The following NR1I2 variants were observed in gnomAD, a reference collection of about 807,000 sequenced individuals.
NR1I2 encodes orphan nuclear receptor PAR1.
Under a neutral mutation model 43.3 loss-of-function variants are expected in NR1I2, and 42 were observed. The ratio of observed to expected loss-of-function variants is 0.97; its 90% CI spans 0.76 to 1.26. The LOEUF (loss-of-function observed/expected upper bound fraction) is 1.26, where lower values mean the gene tolerates loss of function less well. NR1I2 is among the 50% of genes most tolerant of loss of function. The pLI, the probability that NR1I2 is intolerant of heterozygous loss-of-function variation, is 0.00. For synonymous variants in NR1I2, 229 were observed against 215.0 expected (o/e 1.06, Z -0.57); for missense variants, 559 against 566.7 (o/e 0.99, Z 0.14).
intron 1 of NR1I2, among the ~76,000 whole-genome samples, chr3:119,786,519 A>T (rs1684328411): frequency 6.6e-6 from 1 of 152,240 alleles, no homozygotes; most frequent in African/African-American, 2.4e-5. Flanking sequence ...AGTTCCAAAG[A>T]GTCAAACTAT....
chr3:119,785,451 A>G (rs1278082318), intron 1 of NR1I2, among the ~76,000 whole-genome samples: 1 of 152,214 alleles, frequency 6.6e-6, no homozygotes, highest in African/African-American at 2.4e-5. Context: ...GCCTGTTGTT[A>G]AGAATTTCAA....
intron 1 of NR1I2, among the ~76,000 whole-genome samples, chr3:119,790,741 T>A (rs1350006337): frequency 6.6e-6 from 1 of 152,234 alleles, no homozygotes; most frequent in Non-Finnish European, 1.5e-5. Flanking sequence ...AATAAATAAT[T>A]TATTCTGTGT....
At chr3:119,814,572 C>G (rs1255020967) in intron 5 of NR1I2, among the ~76,000 whole-genome samples, 1 of 152,166 alleles carries the variant, frequency 6.6e-6, no homozygotes, top group Non-Finnish European at 1.5e-5. Flanking sequence ...ATAGCATGGC[C>G]TGAGGGGCTA....
At chr3:119,788,119 A>G (rs1427736914) in intron 1 of NR1I2, among the ~76,000 whole-genome samples, 1 of 151,944 alleles carries the variant, frequency 6.6e-6, no homozygotes, top group Non-Finnish European at 1.5e-5. Context: ...AATTATTATT[A>G]TTATTACTTT....
rs56147004 is a variant in NR1I2 at position 119,817,728 on chromosome 3, G to A, written c.*516G>A. ...TGTGGGCTCCAGGCCTGTACTCATC[G>A]GCAGGCGCATGAGTATCTGTGGGAG... is the stretch of plus-strand genomic sequence containing the variant. On this transcript the variant is annotated 3_prime_UTR_variant, in exon 9 of 9. Coordinates refer to ENST00000393716, the MANE Select transcript of NR1I2 (RefSeq NM_003889.4). 17 of 1,045,830 alleles carry A rather than the reference G, an allele frequency of 1.6e-5. No individual in the cohort carries two copies. The highest frequency in any genetic ancestry group is 3.5e-5 in the South Asian group (1 of 28,394). The allele number at this position is 1,045,830 out of a possible 1,614,324, so 64.8% of individuals were successfully genotyped here. A position where few individuals can be genotyped will look rare whatever the true frequency, so the allele number is the denominator to read the frequency against.
chr3:119,784,378 A>ATATCC (rs1467808144), intron 1 of NR1I2, among the ~76,000 whole-genome samples: 1 of 152,134 alleles, frequency 6.6e-6, no homozygotes, highest in African/African-American at 2.4e-5. Flanking sequence ...TTACCTATTC[A>ATATCC]TATCCTTAGC....
intron 1 of NR1I2, chr3:119,782,626 C>T: frequency 1.5e-6 from 1 of 688,688 alleles, no homozygotes; most frequent in Non-Finnish European, 2.6e-6. Flanking sequence ...GGCTGGAGTC[C>T]CTGGACCCAG....
chr3:119,783,324 G>A (rs2107940690), intron 1 of NR1I2, among the ~76,000 whole-genome samples: 1 of 152,192 alleles, frequency 6.6e-6, no homozygotes, highest in African/African-American at 2.4e-5. Context: ...ACACAGCCAT[G>A]CCCATTCGTT....
chr3:119,784,357 C>T (rs1216513688), intron 1 of NR1I2, among the ~76,000 whole-genome samples: 1 of 152,110 alleles, frequency 6.6e-6, no homozygotes, highest in Non-Finnish European at 1.5e-5. Flanking sequence ...CATTGTATTT[C>T]TCTTCTTAAA....
In NR1I2 at chr3:119,815,069, G is replaced by C. The variant is rs756006781; in HGVS notation, c.885G>C (p.Glu295Asp). The stretch of plus-strand genomic sequence containing the variant: ...GATTCAACACAGTGTTCAACGCGGA[G>C]ACTGGAACCTGGGAGTGTGGCCGGC... The change falls in exon 6 of 9, where the codon GAG (glutamate) becomes GAC (aspartate). Residue 295 changes from glutamate to aspartate, a missense_variant. By Grantham distance (45) the Glu-to-Asp change is conservative. Transcript: ENST00000393716. 1.9e-6 allele frequency: 3 copies of C among 1,614,190 alleles called. No homozygotes were observed. The highest frequency in any genetic ancestry group is 1.7e-5 in the Admixed American group (1 of 60,002).
intron 1 of NR1I2, among the ~76,000 whole-genome samples, chr3:119,802,121 G>C (rs1202900774): frequency 6.6e-6 from 1 of 152,146 alleles, no homozygotes; most frequent in Non-Finnish European, 1.5e-5. Flanking sequence ...TGAATCTTTC[G>C]GGGCATGGCT....
chr3:119,787,138 A>G (rs1282288726), intron 1 of NR1I2, among the ~76,000 whole-genome samples: 4 of 152,076 alleles, frequency 2.6e-5, no homozygotes, highest in African/African-American at 9.7e-5. Context: ...AAATACAAAA[A>G]TAATCCAGGT....
intron 3 of NR1I2, 31 bp from the exon 4 acceptor site, chr3:119,811,508 T>A: frequency 6.3e-7 from 1 of 1,587,854 alleles, no homozygotes; most frequent in Non-Finnish European, 8.6e-7. Flanking sequence ...CAGGGGCACG[T>A]GTGCCTGAGC....
chr3:119,813,066 A>G (rs1439068474), intron 5 of NR1I2, 106 bp downstream of exon 5: 2 of 1,260,596 alleles, frequency 1.6e-6, no homozygotes, highest in East Asian at 4.8e-5. Flanking sequence ...TTGGTGTCAG[A>G]AGACCCTCCT....
rs576408303 is a variant in NR1I2 at position 119,796,421 on chromosome 3, G to T, written c.-22-10808G>T. ...CCATTGGTCATGTTCCACCCAGCAG[G>T]TTCTATCTAGTTCTAATCCTCAATG... On this transcript the variant is annotated intron_variant, in intron 1 of 8. Transcript: ENST00000393716. Among the ~76,000 whole-genome samples the T allele has an allele frequency of 1.8e-4, 28 of 152,216 alleles. No individual in the cohort carries two copies. In the East Asian group the frequency reaches 5.2e-3, roughly 28 times the overall value.
chr3:119,804,444 T>A (rs2055123940), intron 1 of NR1I2, among the ~76,000 whole-genome samples: 1 of 50,356 alleles, frequency 2.0e-5, no homozygotes, highest in Non-Finnish European at 4.0e-5. Flanking sequence ...TAGTTGGTAT[T>A]TTTTTTTTTT....
chr3:119,800,673 C>T (rs890677257), intron 1 of NR1I2, among the ~76,000 whole-genome samples: 1 of 152,152 alleles, frequency 6.6e-6, no homozygotes, highest in Non-Finnish European at 1.5e-5. Flanking sequence ...CCCTTCAGAG[C>T]GTATAGGACA....
intron 3 of NR1I2, 89 bp from the exon 4 acceptor site, chr3:119,811,450 T>A: frequency 7.6e-7 from 1 of 1,309,132 alleles, no homozygotes. Context: ...CGGCTTCTGC[T>A]GCCTTGAGAG....
In NR1I2 at chr3:119,792,059, T is replaced by C. The variant is rs562832544; in HGVS notation, c.-23+9759T>C. The C allele has an allele frequency of 7.6e-4, 558 of 736,576 alleles. 7 individuals carry two copies. Among genetic ancestry groups the C allele is most frequent in the South Asian group, 6.4e-3 (449 of 69,630 alleles). 45.6% of individuals were successfully genotyped at this position (736,576 alleles called of 1,614,324 possible). A position where few individuals can be genotyped will look rare whatever the true frequency, so the allele number is the denominator to read the frequency against. On this transcript the variant is annotated intron_variant, in intron 1 of 8. Coordinates refer to ENST00000393716, the MANE Select transcript of NR1I2 (RefSeq NM_003889.4). ...AACCACATAATGTGCCAGTCATCAC[T>C]GGTAGCAAAGATTTACAGAATGTCA...
Sources: gnomAD v4.1 joint callset for allele counts (sites outside exome capture counted in the v4.1 genomes callset) on GRCh38, gnomAD v4.1.1 for gene constraint, MANE v1.5 for transcripts, NCBI Gene and HGNC (gene_info 2026-07-23, HGNC 2026-07-21) for gene names.